Variants in MYO16 observed in about 807,000 individuals in gnomAD.
The protein encoded by MYO16 is myosin XVI.
MYO16 carries 94 observed loss-of-function variants against 205.3 expected under a neutral mutation model. That is an observed-to-expected ratio of 0.46 (90% CI 0.39 to 0.54). MYO16 has a LOEUF of 0.54. Among genes scored for constraint, MYO16 ranks in the 20% least tolerant of loss-of-function variants. The probability of loss-of-function intolerance (pLI) is 0.00; values close to 1 mark genes in which losing one functional copy is unlikely to be tolerated. For synonymous variants in MYO16, 988 were observed against 954.0 expected, an observed-to-expected ratio of 1.04 and a Z score of -0.66; for missense variants, 2,315 against 2,387.5, an observed-to-expected ratio of 0.97 and a Z score of 0.63.
At chr13:108,799,558 C>T (rs574501047) in intron 6 of MYO16, among the ~76,000 whole-genome samples, 2 of 152,250 alleles carry the variant, frequency 1.3e-5, no homozygotes, top group East Asian at 1.9e-4. Flanking sequence ...GATGACATCA[C>T]GGCTTTGCTT....
the MYO16 span, among the ~76,000 whole-genome samples, chr13:108,529,298 C>A: frequency 6.6e-6 from 1 of 152,174 alleles, no homozygotes; most frequent in African/African-American, 2.4e-5. Flanking sequence ...ACCCTTTTCT[C>A]ACTCCAGAAA....
chr13:108,989,867 T>TA (rs1438164988), intron 20 of MYO16, among the ~76,000 whole-genome samples: 1 of 152,062 alleles, frequency 6.6e-6, no homozygotes, highest in African/African-American at 2.4e-5. Context: ...AACTTATTTT[T>TA]TAAAAAAGAG....
chr13:108,945,848 C>T (rs1239045792), intron 16 of MYO16, among the ~76,000 whole-genome samples: 20 of 152,084 alleles, frequency 1.3e-4, no homozygotes, highest in Admixed American at 1.3e-3. Context: ...ACGTTTTACT[C>T]ATTTTAAGTT....
intron 1 of MYO16, among the ~76,000 whole-genome samples, chr13:108,664,554 G>A (rs1217576562): frequency 6.6e-6 from 1 of 152,144 alleles, no homozygotes; most frequent in Non-Finnish European, 1.5e-5. Flanking sequence ...AAGGACCAGG[G>A]CATCTTTCCA....
chr13:108,755,553 C>CAA (rs200190650), intron 4 of MYO16, among the ~76,000 whole-genome samples: 34,788 of 136,568 alleles, frequency 0.25, 4,467 homozygotes, highest in Middle Eastern at 0.31. Flanking sequence ...CTTCAAATTG[C>CAA]AAAAAAAAAA....
rs1446510931 is a variant in MYO16, at chr13:109,125,649, TTTACTG to T, written c.3782+294_3782+299del. 6.6e-6 allele frequency among the ~76,000 whole-genome samples: 1 copy of T among 152,210 alleles called. No homozygotes were observed. The highest frequency in any genetic ancestry group is 1.9e-4 in the East Asian group (1 of 5,196). ...TCAAGCACACTCTAGTTCTAAAGCA[TTTACTG>T]TTTCTGTATTAGCAAAAATATATAG... On this transcript the variant is annotated intron_variant, in intron 30 of 34. Transcript: ENST00000457511. The surrounding 1 kb of genome is among the most constrained non-coding windows in gnomAD (Gnocchi z 4.0).
At chr13:108,801,982 C>A (rs914147350) in intron 6 of MYO16, among the ~76,000 whole-genome samples, 8 of 152,078 alleles carry the variant, frequency 5.3e-5, no homozygotes, top group African/African-American at 1.9e-4. Context: ...ACAAATAATA[C>A]TTATATGCAT....
At chr13:108,796,281 A>G (rs939309377) in intron 6 of MYO16, among the ~76,000 whole-genome samples, 1 of 152,192 alleles carries the variant, frequency 6.6e-6, no homozygotes, top group Non-Finnish European at 1.5e-5. Context: ...GTGCTGGATA[A>G]GATGTGGAGA....
intron 27 of MYO16, among the ~76,000 whole-genome samples, chr13:109,059,591 C>A (rs191990655): frequency 8.3e-4 from 126 of 152,216 alleles, no homozygotes; most frequent in African/African-American, 2.7e-3. Context: ...ATATGATTCA[C>A]CCACTTTTTG....
chr13:108,972,036 C>T (rs1298301776), intron 20 of MYO16, among the ~76,000 whole-genome samples: 8 of 149,554 alleles, frequency 5.3e-5, no homozygotes, highest in Non-Finnish European at 8.9e-5. Context: ...CTCTACCCCA[C>T]CCCCCAAAAA....
At chr13:109,047,953 C>CAA (rs200202758) in intron 24 of MYO16, among the ~76,000 whole-genome samples, 6 of 151,058 alleles carry the variant, frequency 4.0e-5, no homozygotes, top group Non-Finnish European at 7.4e-5. Context: ...CTAAAACTAA[C>CAA]AAAAAAAACA....
intron 21 of MYO16, among the ~76,000 whole-genome samples, chr13:109,005,133 A>G (rs565123035): frequency 1.3e-5 from 2 of 152,148 alleles, no homozygotes; most frequent in African/African-American, 4.8e-5. Context: ...ATGCTGGGGG[A>G]AGAAGACGAT....
At chr13:109,069,310 A>G (rs866870431) in intron 27 of MYO16, among the ~76,000 whole-genome samples, 2 of 152,192 alleles carry the variant, frequency 1.3e-5, no homozygotes, top group Non-Finnish European at 2.9e-5. Flanking sequence ...TTTTGTATGC[A>G]TAAGTTAAAT....
chr13:109,187,619 C>G (rs1879739617), intron 34 of MYO16, among the ~76,000 whole-genome samples: 1 of 152,166 alleles, frequency 6.6e-6, no homozygotes, highest in African/African-American at 2.4e-5. Flanking sequence ...ATGGGACTTT[C>G]TCTTTGGCTA....
chr13:108,900,642 T>G (rs1442370807), intron 15 of MYO16, among the ~76,000 whole-genome samples: 1 of 152,204 alleles, frequency 6.6e-6, no homozygotes, highest in Admixed American at 6.5e-5. Context: ...GTCTTTACTT[T>G]AACCTCTTAA....
At chr13:109,057,087 G>C (rs1355732440) in intron 27 of MYO16, among the ~76,000 whole-genome samples, 2 of 152,128 alleles carry the variant, frequency 1.3e-5, no homozygotes, top group African/African-American at 2.4e-5. Flanking sequence ...AACTACATTT[G>C]AAATATTTAA....
Position 108,711,485 on chromosome 13 carries a change from C to T in MYO16, c.293-1176C>T, listed in dbSNP as rs145792391. Among the ~76,000 whole-genome samples, 44 of 152,312 alleles carry T rather than the reference C, an allele frequency of 2.9e-4. 1 individual carries two copies. In the East Asian group the frequency reaches 7.0e-3, roughly 24 times the overall value. On this transcript the variant is annotated intron_variant, in intron 2 of 34. Transcript: ENST00000457511. Reference sequence around the variant, plus strand: ...GTAAGGAAAGCGTGGCCAGGATGCACGGGGCAGGGCAGGCTGACCTGGCTC... The same window carrying T: ...GTAAGGAAAGCGTGGCCAGGATGCATGGGGCAGGGCAGGCTGACCTGGCTC...
chr13:109,055,335 A>G lies in MYO16; in HGVS notation c.3130-55A>G. 7.1e-7 allele frequency: 1 copy of G among 1,413,778 alleles called. No individual in the cohort carries two copies. Among genetic ancestry groups the G allele is most frequent in the Non-Finnish European group, 9.7e-7 (1 of 1,027,260 alleles). 87.6% of individuals were successfully genotyped at this position (1,413,778 alleles called of 1,614,324 possible). Reference sequence around the variant, plus strand: ...ACTTTTTATTTAAAAACTGCTTTATATTTTTAGCTAGTGTCTCCTTTGGAG... The same window carrying G: ...ACTTTTTATTTAAAAACTGCTTTATGTTTTTAGCTAGTGTCTCCTTTGGAG... On this transcript the variant is annotated intron_variant, in intron 26 of 34. Transcript: ENST00000457511. The surrounding 1 kb of genome is among the most constrained non-coding windows in gnomAD (Gnocchi z 5.0).
At chr13:108,555,043 A>T in the MYO16 span, among the ~76,000 whole-genome samples, 1 of 152,118 alleles carries the variant, frequency 6.6e-6, no homozygotes, top group African/African-American at 2.4e-5. Context: ...GGTATTTAAT[A>T]AGTAGTCATT....
Sources: allele counts gnomAD v4.1 joint callset (sites outside exome capture counted in the v4.1 genomes callset), GRCh38; gene constraint gnomAD v4.1.1; non-coding constraint Gnocchi (gnomAD v3.1); transcripts MANE v1.5; gene names NCBI Gene and HGNC (gene_info 2026-07-23, HGNC 2026-07-21).